BIN2: variants seen among roughly 807,000 people sequenced by gnomAD.
BIN2 encodes the protein breast cancer associated protein BRAP1.
In BIN2, 43 loss-of-function variants were observed where a neutral mutation model predicts 67.9. The observed-to-expected ratio is 0.63, with a 90% CI of 0.50 to 0.82. BIN2 has a LOEUF of 0.82. Ranked by LOEUF, BIN2 falls within the 40% of genes least tolerant of loss-of-function variation. The probability of loss-of-function intolerance (pLI) is 0.00; values close to 1 mark genes in which losing one functional copy is unlikely to be tolerated. For missense variants in BIN2, 581 were observed against 671.6 expected, an observed-to-expected ratio of 0.87 and a Z score of 1.49; for synonymous variants, 244 against 246.8, an observed-to-expected ratio of 0.99 and a Z score of 0.11.
At position 51,281,170 on chromosome 12, in the gene BIN2, G is replaced by A. The variant is rs1158351856; in HGVS notation, c.*329C>T. On this transcript the variant is annotated 3_prime_UTR_variant, in exon 13 of 13. Coordinates refer to ENST00000615107, the MANE Select transcript of BIN2 (RefSeq NM_016293.4). The stretch of plus-strand genomic sequence containing the variant: ...TGTGTGTGGTTATGTCTCTGTATAG[G>A]CAAGTGTCTGTGTCTATAGATACTT... The A allele has an allele frequency of 3.1e-6, 1 of 322,318 alleles. No individual in the cohort carries two copies. The highest frequency in any genetic ancestry group is 5.8e-6 in the Non-Finnish European group (1 of 171,420). 20.0% of individuals were successfully genotyped at this position (322,318 alleles called of 1,614,324 possible).
At chr12:51,293,962 T>C (rs1945464196) in intron 9 of BIN2, among the ~76,000 whole-genome samples, 1 of 152,182 alleles carries the variant, frequency 6.6e-6, no homozygotes, top group African/African-American at 2.4e-5. Context: ...ACAGACCTTA[T>C]GACTCAACAA....
intron 11 of BIN2, among the ~76,000 whole-genome samples, chr12:51,285,841 A>G (rs1035711754): frequency 1.3e-5 from 2 of 151,734 alleles, no homozygotes; most frequent in Admixed American, 6.6e-5. Context: ...CAACCTCCCA[A>G]CCTCAAGTGA....
Position 51,302,016 on chromosome 12 carries a change from G to A in BIN2, c.408+4C>T. 1.2e-6 allele frequency: 2 copies of A among 1,604,074 alleles called. No individual in the cohort carries two copies. Among genetic ancestry groups the A allele is most frequent in the Non-Finnish European group, 1.7e-6 (2 of 1,171,004 alleles). On this transcript the variant is annotated splice_donor_region_variant and intron_variant, in intron 5 of 12. Coordinates refer to ENST00000615107, the MANE Select transcript of BIN2 (RefSeq NM_016293.4). ...ACCCAGCCTTGATTCTGTACATTGA[G>A]TACCTTAATTTCACTGAACTGGGCA...
intron 9 of BIN2, 64 bp from the exon 10 acceptor site, chr12:51,292,408 A>G (rs1945412865): frequency 6.9e-7 from 1 of 1,448,830 alleles, no homozygotes; most frequent in Non-Finnish European, 9.2e-7. Context: ...AATATGCAAA[A>G]CTTACGATGC....
chr12:51,306,486 G>A (rs963356730), intron 2 of BIN2, among the ~76,000 whole-genome samples: 1 of 152,188 alleles, frequency 6.6e-6, no homozygotes, highest in African/African-American at 2.4e-5. Flanking sequence ...AATTAGCCAG[G>A]TGTGGTGGTG....
chr12:51,283,397 A>T (rs1945162472), intron 12 of BIN2, among the ~76,000 whole-genome samples: 1 of 152,148 alleles, frequency 6.6e-6, no homozygotes, highest in Non-Finnish European at 1.5e-5. Flanking sequence ...TGCCCTGAAG[A>T]CCTTCTAGTG....
chr12:51,315,612 T>A (rs1313529725), intron 1 of BIN2, among the ~76,000 whole-genome samples: 1 of 152,214 alleles, frequency 6.6e-6, no homozygotes, highest in Admixed American at 6.5e-5. Flanking sequence ...CTTGAGAGAC[T>A]GTTTTCAGCT....
At chr12:51,299,444 C>T (rs2137389309) in intron 6 of BIN2, among the ~76,000 whole-genome samples, 156 bp from the exon 7 acceptor site, 1 of 152,208 alleles carries the variant, frequency 6.6e-6, no homozygotes, top group East Asian at 1.9e-4. Context: ...AAGACTCTGA[C>T]TATCCTTACA....
intron 6 of BIN2, 83 bp downstream of exon 6, chr12:51,299,524 T>C: frequency 7.7e-7 from 1 of 1,300,476 alleles, no homozygotes; most frequent in Non-Finnish European, 1.1e-6. Flanking sequence ...CCTATACCCA[T>C]GTTGGCCCAG....
intron 2 of BIN2, among the ~76,000 whole-genome samples, chr12:51,307,932 A>G (rs1945912403): frequency 6.6e-6 from 1 of 152,114 alleles, no homozygotes; most frequent in South Asian, 2.1e-4. Context: ...TGTGTTTTAG[A>G]ATGAAGCCTT....
chr12:51,291,946 A>G lies in BIN2; in HGVS notation c.1160T>C (p.Val387Ala). ...SGQPSSSATE[V>A]VLRTRTASEG... ...ACTTGCGGTGCGGGTTCGGAGGACT[A>G]CTTCTGTGGCAGATGATGAAGGCTG... Residue 387 changes from valine (V) to alanine (A), a missense_variant, in exon 10 of 13, where the codon GTA becomes GCA. Physicochemically the swap from Val to Ala is moderately conservative, Grantham distance 64. Transcript: ENST00000615107. 1 of 1,614,138 alleles carries G rather than the reference A, an allele frequency of 6.2e-7. No individual in the cohort carries two copies. The highest frequency in any genetic ancestry group is 2.2e-5 in the East Asian group (1 of 44,872).
At position 51,281,459 on chromosome 12, in the gene BIN2, T is replaced by C; in HGVS notation, c.*40A>G. The C allele has an allele frequency of 1.2e-6, 2 of 1,602,256 alleles. No individual in the cohort carries two copies. Among genetic ancestry groups the C allele is most frequent in the Non-Finnish European group, 1.7e-6 (2 of 1,169,250 alleles). ...ATACCCTCTGGTTGAAGAGCTTCTC[T>C]GGCGAGGTTTGGGGCAGGAGGAGTC... On this transcript the variant is annotated 3_prime_UTR_variant, in exon 13 of 13. Coordinates refer to ENST00000615107, the MANE Select transcript of BIN2 (RefSeq NM_016293.4).
intron 4 of BIN2, 81 bp downstream of exon 4, chr12:51,302,605 C>A (rs1945756418): frequency 8.3e-7 from 1 of 1,207,700 alleles, no homozygotes; most frequent in Non-Finnish European, 1.2e-6. Flanking sequence ...TTCCTATTTT[C>A]TTGGATAGAG....
At chr12:51,284,927 ACCAG>A in intron 11 of BIN2, 140 bp from the exon 12 acceptor site, 1 of 629,612 alleles carries the variant, frequency 1.6e-6, no homozygotes, top group South Asian at 1.9e-5. Context: ...GTGTTGTTTC[ACCAG>A]AGCCTGAAGG....
chr12:51,296,847 T>G (rs529415474), intron 8 of BIN2, among the ~76,000 whole-genome samples: 19 of 152,264 alleles, frequency 1.2e-4, no homozygotes, highest in African/African-American at 4.3e-4. Context: ...TTATTCATGC[T>G]AAAGCTCAAA....
intron 11 of BIN2, among the ~76,000 whole-genome samples, 178 bp downstream of exon 11, chr12:51,287,930 C>T (rs1462880705): frequency 6.6e-6 from 1 of 152,202 alleles, no homozygotes; most frequent in African/African-American, 2.4e-5. Flanking sequence ...GGATTACAGG[C>T]ATGAGCCACC....
intron 1 of BIN2, chr12:51,322,624 CCA>C (rs1946316349): frequency 6.6e-6 from 1 of 150,548 alleles, no homozygotes; most frequent in African/African-American, 2.4e-5. Context: ...TTTTTTTCAA[CCA>C]CAGTGTGGCC....
chr12:51,313,346 C>CT (rs113065315), intron 2 of BIN2, among the ~76,000 whole-genome samples: 27,631 of 149,504 alleles, frequency 0.18, 2,701 homozygotes, highest in South Asian at 0.23. Flanking sequence ...TTTATTTTTA[C>CT]TTTTTTTTTG....
intron 12 of BIN2, 67 bp downstream of exon 12, chr12:51,284,649 A>G: frequency 7.8e-7 from 1 of 1,287,636 alleles, no homozygotes; most frequent in Non-Finnish European, 1.1e-6. Context: ...TGTGGTGAAG[A>G]TTCCAGCCTT....
Sources: gnomAD v4.1 joint callset for allele counts (sites outside exome capture counted in the v4.1 genomes callset) on GRCh38, gnomAD v4.1.1 for gene constraint, MANE v1.5 for transcripts, NCBI Gene and HGNC (gene_info 2026-07-23, HGNC 2026-07-21) for gene names.